TMEFF2: variants seen among roughly 807,000 people sequenced by gnomAD.
TMEFF2 encodes the protein transmembrane protein with EGF like and two follistatin like domains 2, also known as tomoregulin-2.
TMEFF2 carries 28 observed loss-of-function variants against 53.8 expected under a neutral mutation model. The observed-to-expected ratio is 0.52, with a 90% confidence interval of 0.39 to 0.71. The LOEUF (loss-of-function observed/expected upper bound fraction) is 0.71. Ranked by LOEUF, TMEFF2 falls within the 30% of genes least tolerant of loss-of-function variation. The pLI, the probability that TMEFF2 is intolerant of heterozygous loss-of-function variation, is 0.00. For synonymous variants in TMEFF2, 162 were observed against 166.3 expected (o/e 0.97, Z 0.20); for missense variants, 353 against 455.2 (o/e 0.78, Z 2.04).
At chr2:192,154,081 G>A (rs928160418) in intron 4 of TMEFF2, among the ~76,000 whole-genome samples, 1 of 151,990 alleles carries the variant, frequency 6.6e-6, no homozygotes, top group African/African-American at 2.4e-5. Context: ...TGAAAATGGG[G>A]AAGGATTATC....
At chr2:191,964,967 T>C (rs1476390148) in intron 7 of TMEFF2, among the ~76,000 whole-genome samples, 1 of 152,160 alleles carries the variant, frequency 6.6e-6, no homozygotes, top group East Asian at 1.9e-4. Flanking sequence ...TAGTCTACTG[T>C]GTAGGCTCCC....
At chr2:192,009,082 T>C (rs1271500305) in intron 5 of TMEFF2, among the ~76,000 whole-genome samples, 1 of 152,222 alleles carries the variant, frequency 6.6e-6, no homozygotes, top group African/African-American at 2.4e-5. Flanking sequence ...GTTTATCTTA[T>C]TGTAAGAACA....
At chr2:192,063,964 A>T (rs983185150) in intron 4 of TMEFF2, among the ~76,000 whole-genome samples, 3 of 143,690 alleles carry the variant, frequency 2.1e-5, no homozygotes, top group Admixed American at 6.9e-5. Context: ...AACGACATAC[A>T]ATTTAGTCTA....
chr2:192,142,270 T>G (rs1008772390), intron 4 of TMEFF2, among the ~76,000 whole-genome samples: 2 of 152,174 alleles, frequency 1.3e-5, no homozygotes, highest in African/African-American at 4.8e-5. Context: ...TCTGGCATAT[T>G]GAGGTGACTT....
rs1338714653 is a variant in TMEFF2 at position 192,194,848 on chromosome 2, G to A, written c.-324C>T. The A allele has an allele frequency of 1.5e-5, 5 of 330,150 alleles. No individual in the cohort carries two copies. In the East Asian group the frequency reaches 3.5e-4, roughly 23 times the overall value. The allele number at this position is 330,150 out of a possible 1,614,324, so 20.5% of individuals were successfully genotyped here. Reference sequence around the variant, plus strand: ...ACGGGAGTCCAGGGGCAGACGAGTGGAGCCCGAGGAGGCAGGGTGGAGGGA... The same window carrying A: ...ACGGGAGTCCAGGGGCAGACGAGTGAAGCCCGAGGAGGCAGGGTGGAGGGA... On this transcript the variant is annotated 5_prime_UTR_variant, in exon 1 of 10. Coordinates refer to ENST00000272771, the MANE Select transcript of TMEFF2 (RefSeq NM_016192.4). This position sits in a 1 kb window ranked among gnomAD's most constrained non-coding sequence, Gnocchi z 4.2.
chr2:192,111,340 TGAG>T (rs1410173192), intron 4 of TMEFF2, among the ~76,000 whole-genome samples: 1 of 152,112 alleles, frequency 6.6e-6, no homozygotes, highest in African/African-American at 2.4e-5. Flanking sequence ...CAGATGGAGA[TGAG>T]GAACTTGTTG....
chr2:191,992,786 T>C (rs1024687876), intron 7 of TMEFF2: 1 of 152,102 alleles, frequency 6.6e-6, no homozygotes, highest in Non-Finnish European at 1.5e-5. Flanking sequence ...AAGCAAACAT[T>C]ATATCACTTA....
intron 5 of TMEFF2, among the ~76,000 whole-genome samples, chr2:192,039,199 G>A (rs1264068461): frequency 6.6e-6 from 1 of 152,114 alleles, no homozygotes; most frequent in African/African-American, 2.4e-5. Flanking sequence ...AGGACTACAA[G>A]TCCTATTGTG....
At chr2:191,980,843 C>T (rs559829977) in intron 7 of TMEFF2, among the ~76,000 whole-genome samples, 263 of 152,256 alleles carry the variant, frequency 1.7e-3, no homozygotes, top group African/African-American at 6.0e-3. Context: ...ATCTAGGCAG[C>T]CAGATGAACC....
chr2:192,001,613 C>T (rs563092993), intron 5 of TMEFF2, among the ~76,000 whole-genome samples: 227 of 152,178 alleles, frequency 1.5e-3, no homozygotes, highest in African/African-American at 3.4e-3. Context: ...GTTGTGGGAG[C>T]GACCTGGTGG....
intron 4 of TMEFF2, among the ~76,000 whole-genome samples, chr2:192,063,157 T>G (rs1688088739): frequency 6.6e-6 from 1 of 151,964 alleles, no homozygotes; most frequent in Admixed American, 6.6e-5. Context: ...CTTTATGCCT[T>G]GTTTTCTCAT....
chr2:191,984,783 T>C lies in TMEFF2; in HGVS notation c.745+13479A>G, dbSNP rs190308281. Among the ~76,000 whole-genome samples, 5 of 152,242 alleles carry C rather than the reference T, an allele frequency of 3.3e-5. No homozygotes were observed. In the East Asian group the frequency reaches 7.7e-4, roughly 24 times the overall value. On this transcript the variant is annotated intron_variant, in intron 7 of 9. Coordinates refer to ENST00000272771, the MANE Select transcript of TMEFF2 (RefSeq NM_016192.4). ...ATGAACAGTTGCTCCAAAGAGCCCTTATCCTTTTGGGAAATGGAGTTTGAA... is the reference window on the plus strand; with the variant it reads ...ATGAACAGTTGCTCCAAAGAGCCCTCATCCTTTTGGGAAATGGAGTTTGAA...
chr2:192,130,487 A>G (rs186652236), intron 4 of TMEFF2, among the ~76,000 whole-genome samples: 1,797 of 152,198 alleles, frequency 0.012, 18 homozygotes, highest in Middle Eastern at 0.024. Flanking sequence ...AAGAAGTGAA[A>G]AGGCCCTGCC....
chr2:191,953,867 G>A, intron 8 of TMEFF2, 30 bp from the exon 9 acceptor site: 7 of 1,235,922 alleles, frequency 5.7e-6, no homozygotes, highest in Non-Finnish European at 8.0e-6. Flanking sequence ...CCAGTTACCT[G>A]TAGGGTGCTG....
intron 5 of TMEFF2, among the ~76,000 whole-genome samples, chr2:192,032,847 CG>C (rs1326166441): frequency 2.5e-4 from 38 of 152,122 alleles, no homozygotes; most frequent in African/African-American, 8.9e-4. Flanking sequence ...CAAACAAAGT[CG>C]TCTTTGTGAA....
In TMEFF2 at chr2:191,949,920, CAAGAT is replaced by C. The variant is rs1271597407; in HGVS notation, c.*386_*390del. 1.6e-5 allele frequency: 16 copies of C among 1,001,538 alleles called. No individual in the cohort carries two copies. The highest frequency in any genetic ancestry group is 1.9e-5 in the Non-Finnish European group (16 of 839,832). 62.0% of individuals were successfully genotyped at this position (1,001,538 alleles called of 1,614,324 possible). A position where few individuals can be genotyped will look rare whatever the true frequency, so the allele number is the denominator to read the frequency against. On this transcript the variant is annotated 3_prime_UTR_variant, in exon 10 of 10. Coordinates refer to ENST00000272771, the MANE Select transcript of TMEFF2 (RefSeq NM_016192.4). ...TCCTGTACGAACTAATGTGCTGTCT[CAAGAT>C]GAGAAGAAACATGAAATATTGGTAG...
At chr2:192,141,558 G>A (rs1439210631) in intron 4 of TMEFF2, among the ~76,000 whole-genome samples, 27 of 151,748 alleles carry the variant, frequency 1.8e-4, no homozygotes, top group Admixed American at 1.7e-3. Context: ...ATAATTCCAG[G>A]TAGATGGGAA....
At chr2:192,110,649 A>T (rs1018965031) in intron 4 of TMEFF2, among the ~76,000 whole-genome samples, 7 of 152,214 alleles carry the variant, frequency 4.6e-5, no homozygotes, top group African/African-American at 1.7e-4. Context: ...ATTCTAGCAC[A>T]TCTCTTTGTA....
intron 4 of TMEFF2, among the ~76,000 whole-genome samples, chr2:192,162,909 G>T (rs925257855): frequency 5.9e-5 from 9 of 152,182 alleles, no homozygotes; most frequent in African/African-American, 2.2e-4. Context: ...CTCTCAGGAT[G>T]AACTGGAGTC....
Sources: allele counts gnomAD v4.1 joint callset (sites outside exome capture counted in the v4.1 genomes callset), GRCh38; gene constraint gnomAD v4.1.1; non-coding constraint Gnocchi (gnomAD v3.1); transcripts MANE v1.5; gene names NCBI Gene and HGNC (gene_info 2026-07-23, HGNC 2026-07-21).